Variants in CDH2 observed in about 807,000 individuals in gnomAD.
The protein encoded by CDH2 is cadherin-2.
Under a neutral mutation model 92.0 loss-of-function variants are expected in CDH2, and 17 were observed. That is an observed-to-expected ratio of 0.18 (90% CI 0.13 to 0.28). CDH2 has a LOEUF of 0.28. CDH2 is among the 10% of genes least tolerant of loss of function. The pLI, the probability that CDH2 is intolerant of heterozygous loss-of-function variation, is 1.00. For synonymous variants in CDH2, 419 were observed against 415.9 expected, an observed-to-expected ratio of 1.01 and a Z score of -0.09; for missense variants, 862 against 1,133.1, an observed-to-expected ratio of 0.76 and a Z score of 3.44.
At chr18:28,066,705 C>G (rs996152385) in intron 2 of CDH2, among the ~76,000 whole-genome samples, 3 of 151,002 alleles carry the variant, frequency 2.0e-5, no homozygotes, top group Non-Finnish European at 4.4e-5. Context: ...TAAGTTTTAC[C>G]ACTGGATTAG....
At chr18:28,169,611 G>A (rs746882613) in intron 1 of CDH2, among the ~76,000 whole-genome samples, 8 of 152,068 alleles carry the variant, frequency 5.3e-5, no homozygotes, top group Non-Finnish European at 1.0e-4. Flanking sequence ...ACAAAAATCA[G>A]TATTAAAATT....
chr18:28,122,634 G>A (rs556587114), intron 2 of CDH2, among the ~76,000 whole-genome samples: 46 of 152,000 alleles, frequency 3.0e-4, no homozygotes, highest in South Asian at 2.7e-3. Context: ...TATGGTTAAC[G>A]GAAAAACAAG....
At chr18:28,142,878 C>T (rs75082746) in intron 2 of CDH2, among the ~76,000 whole-genome samples, 3 of 152,088 alleles carry the variant, frequency 2.0e-5, no homozygotes, top group African/African-American at 7.2e-5. Flanking sequence ...GTCTCTTTCC[C>T]AATTTAGTAA....
At chr18:28,085,962 A>C (rs1031176353) in intron 2 of CDH2, among the ~76,000 whole-genome samples, 2 of 152,192 alleles carry the variant, frequency 1.3e-5, no homozygotes, top group African/African-American at 2.4e-5. Context: ...TCTCTAAAGG[A>C]GAATAAAAAT....
intron 2 of CDH2, among the ~76,000 whole-genome samples, chr18:28,136,662 A>C (rs78615504): frequency 1.3e-3 from 191 of 152,314 alleles, no homozygotes; most frequent in African/African-American, 4.4e-3. Flanking sequence ...ACAAGAAAGA[A>C]GACTTAATTT....
intron 15 of CDH2, among the ~76,000 whole-genome samples, chr18:27,954,002 T>C (rs1233768236): frequency 6.6e-6 from 1 of 152,166 alleles, no homozygotes; most frequent in Non-Finnish European, 1.5e-5. Flanking sequence ...AAAGTACACA[T>C]GACCAGTTTT....
At chr18:27,973,200 T>C (rs1442293478) in intron 14 of CDH2, among the ~76,000 whole-genome samples, 1 of 150,182 alleles carries the variant, frequency 6.7e-6, no homozygotes, top group Non-Finnish European at 1.5e-5. Context: ...TACATCAATA[T>C]TGAAACTAAT....
At chr18:28,171,520 A>T (rs2144370801) in intron 1 of CDH2, among the ~76,000 whole-genome samples, 1 of 152,290 alleles carries the variant, frequency 6.6e-6, no homozygotes, top group East Asian at 1.9e-4. Flanking sequence ...TTTTACTGGC[A>T]AAGGTAGCAC....
chr18:28,163,387 C>T (rs1366247044), intron 1 of CDH2, among the ~76,000 whole-genome samples: 1 of 152,242 alleles, frequency 6.6e-6, no homozygotes, highest in East Asian at 1.9e-4. Flanking sequence ...GAACAGTGTT[C>T]CATCACCTGG....
intron 2 of CDH2, among the ~76,000 whole-genome samples, chr18:28,114,243 T>C (rs923147713): frequency 6.6e-6 from 1 of 152,170 alleles, no homozygotes; most frequent in African/African-American, 2.4e-5. Flanking sequence ...TGCGTGCTAA[T>C]GAATATGCTA....
chr18:28,072,051 T>C (rs531491037), intron 2 of CDH2, among the ~76,000 whole-genome samples: 6 of 152,158 alleles, frequency 3.9e-5, no homozygotes, highest in East Asian at 1.9e-4. Context: ...TGTCAAAACA[T>C]AGCAATGTTT....
At chr18:28,046,168 T>C (rs1054486443) in intron 2 of CDH2, among the ~76,000 whole-genome samples, 2 of 152,126 alleles carry the variant, frequency 1.3e-5, no homozygotes, top group Non-Finnish European at 2.9e-5. Context: ...GGCTTCACAG[T>C]CTAAATAATT....
chr18:28,011,176 T>A (rs527720649), intron 4 of CDH2, among the ~76,000 whole-genome samples: 1 of 152,170 alleles, frequency 6.6e-6, no homozygotes, highest in East Asian at 1.9e-4. Context: ...TTTTAATAAG[T>A]GGGAATACAG....
Position 27,988,720 on chromosome 18 carries a change from A to G in CDH2, c.1599-54T>C, listed in dbSNP as rs2012316259. On this transcript the variant is annotated intron_variant, in intron 10 of 15. Coordinates refer to ENST00000269141, the MANE Select transcript of CDH2 (RefSeq NM_001792.5). The stretch of plus-strand genomic sequence containing the variant: ...TTTTTATGAAACTTTAAAAAAACAT[A>G]TTTTACAGGTTTAGTTCCAAATGCA... 5 of 1,363,794 alleles carry G rather than the reference A, an allele frequency of 3.7e-6. No individual in the cohort carries two copies. In the South Asian group the frequency reaches 6.2e-5, roughly 17 times the overall value. The allele number at this position is 1,363,794 out of a possible 1,614,324, so 84.5% of individuals were successfully genotyped here.
chr18:27,968,745 T>C (rs531326184), intron 14 of CDH2, among the ~76,000 whole-genome samples: 2 of 152,116 alleles, frequency 1.3e-5, no homozygotes, highest in East Asian at 1.9e-4. Context: ...AATCCCCATA[T>C]AGATAAGGTA....
intron 14 of CDH2, among the ~76,000 whole-genome samples, chr18:27,968,374 A>G (rs2011580440): frequency 6.6e-6 from 1 of 152,232 alleles, no homozygotes; most frequent in Non-Finnish European, 1.5e-5. Context: ...GAAATGCACG[A>G]AAGAGTTTAC....
At chr18:28,153,430 A>T (rs1598512723) in intron 1 of CDH2, among the ~76,000 whole-genome samples, 1 of 152,234 alleles carries the variant, frequency 6.6e-6, no homozygotes, top group East Asian at 1.9e-4. Flanking sequence ...TTTATGTATC[A>T]AGAAAGTCTA....
intron 10 of CDH2, among the ~76,000 whole-genome samples, chr18:27,989,027 A>C (rs1278898827): frequency 6.6e-6 from 1 of 152,240 alleles, no homozygotes; most frequent in Non-Finnish European, 1.5e-5. Context: ...GATAAGCAGT[A>C]GTCTCAATGT....
chr18:27,997,572 C>T (rs1286765679), intron 7 of CDH2, among the ~76,000 whole-genome samples: 1 of 152,108 alleles, frequency 6.6e-6, no homozygotes, highest in South Asian at 2.1e-4. Flanking sequence ...AAGAGAAGAA[C>T]TTGATGACTA....
Sources: allele counts gnomAD v4.1 joint callset (sites outside exome capture counted in the v4.1 genomes callset), GRCh38; gene constraint gnomAD v4.1.1; transcripts MANE v1.5; gene names NCBI Gene and HGNC (gene_info 2026-07-23, HGNC 2026-07-21).